Variants in SCAF8 observed in about 807,000 individuals in gnomAD.
The protein encoded by SCAF8 is SR-related and CTD-associated factor 8.
A neutral mutation model predicts 140.5 loss-of-function variants in SCAF8; 23 were observed. The observed-to-expected ratio is 0.16, with a 90% CI of 0.12 to 0.23. The LOEUF (loss-of-function observed/expected upper bound fraction) is 0.23, where lower values mean the gene tolerates loss of function less well. Among genes scored for constraint, SCAF8 ranks in the 10% least tolerant of loss-of-function variants. The probability of loss-of-function intolerance (pLI) is 1.00; values close to 1 mark genes in which losing one functional copy is unlikely to be tolerated. For missense variants in SCAF8, 1,397 were observed against 1,555.7 expected, an observed-to-expected ratio of 0.90 and a Z score of 1.72; for synonymous variants, 575 against 528.9, an observed-to-expected ratio of 1.09 and a Z score of -1.20.
intron 5 of SCAF8, 67 bp downstream of exon 5, chr6:154,793,043 A>G (rs1777470242): frequency 7.7e-7 from 1 of 1,294,484 alleles, no homozygotes. Context: ...GACTGTTCAT[A>G]TAAAAAATAA....
At chr6:154,769,868 C>T (rs1776687033) in intron 1 of SCAF8, among the ~76,000 whole-genome samples, 1 of 152,134 alleles carries the variant, frequency 6.6e-6, no homozygotes, top group South Asian at 2.1e-4. Context: ...ACTGAAAATA[C>T]AGGCTTTCTG....
chr6:154,831,139 A>G lies in SCAF8; in HGVS notation c.2358A>G (p.Ser786=), dbSNP rs1337452643. The change falls in exon 19 of 20, where the codon TCA becomes TCG. Residue 786 remains serine, a splice_region_variant and synonymous_variant. Transcript: ENST00000367178. ...HQISSGENTR[S]VIPNDISSNA... ...TTTCTTCTGGTGAAAACACCAGATC[A>G]GGTAAATAATAATAATAAAATTTAA... 1 of 1,537,500 alleles carries G rather than the reference A, an allele frequency of 6.5e-7. No homozygotes were observed. The highest frequency in any genetic ancestry group is 1.8e-5 in the Admixed American group (1 of 54,322).
chr6:154,747,793 C>G (rs2114802222), intron 1 of SCAF8, among the ~76,000 whole-genome samples: 1 of 151,768 alleles, frequency 6.6e-6, no homozygotes, highest in South Asian at 2.1e-4. Context: ...TTTGCATTGA[C>G]CACGTGCAGA....
chr6:154,757,348 A>G (rs1778992228), intron 1 of SCAF8, among the ~76,000 whole-genome samples: 1 of 152,210 alleles, frequency 6.6e-6, no homozygotes. Context: ...TAGATACATG[A>G]TTGCAAAACT....
At chr6:154,813,609 G>T (rs934072778) in intron 12 of SCAF8, among the ~76,000 whole-genome samples, 2 of 152,094 alleles carry the variant, frequency 1.3e-5, no homozygotes, top group African/African-American at 4.8e-5. Flanking sequence ...TTGGATAATG[G>T]CCCCCTAAAA....
intron 2 of SCAF8, 48 bp from the exon 3 acceptor site, chr6:154,777,953 C>T: frequency 8.5e-7 from 1 of 1,171,904 alleles, no homozygotes; most frequent in Non-Finnish European, 1.3e-6. Context: ...AAATTTCAAT[C>T]TCCTCAAACT....
At chr6:154,811,900 A>T (rs878891629) in intron 12 of SCAF8, among the ~76,000 whole-genome samples, 3 of 152,124 alleles carry the variant, frequency 2.0e-5, no homozygotes, top group Non-Finnish European at 4.4e-5. Flanking sequence ...AGTATTCCAT[A>T]GTGTATATGT....
chr6:154,763,967 G>A (rs1260003679), intron 1 of SCAF8, among the ~76,000 whole-genome samples: 1 of 152,178 alleles, frequency 6.6e-6, no homozygotes, highest in African/African-American at 2.4e-5. Context: ...TGAGGAAAAG[G>A]TTTGCTGATG....
chr6:154,809,523 C>G (rs1186448178), intron 11 of SCAF8, among the ~76,000 whole-genome samples: 1 of 152,140 alleles, frequency 6.6e-6, no homozygotes, highest in African/African-American at 2.4e-5. Flanking sequence ...TTAGCAGCAT[C>G]TTACTAAGCA....
chr6:154,794,945 CT>C, intron 5 of SCAF8, 63 bp from the exon 6 acceptor site: 1 of 1,417,926 alleles, frequency 7.1e-7, no homozygotes. Flanking sequence ...AGTTATTCTG[CT>C]TTTTCTAGTC....
intron 1 of SCAF8, among the ~76,000 whole-genome samples, chr6:154,755,224 A>G (rs1399502364): frequency 6.6e-6 from 1 of 152,180 alleles, no homozygotes; most frequent in South Asian, 2.1e-4. Flanking sequence ...TCTCTAGTTC[A>G]TATAGTAGAA....
chr6:154,763,175 T>G (rs1008249745), intron 1 of SCAF8, among the ~76,000 whole-genome samples: 6 of 152,230 alleles, frequency 3.9e-5, no homozygotes, highest in Admixed American at 3.3e-4. Context: ...ATTCTGCTTT[T>G]CATTGTGAAT....
intron 6 of SCAF8, among the ~76,000 whole-genome samples, chr6:154,798,033 T>G (rs1777658708): frequency 6.6e-6 from 1 of 151,496 alleles, no homozygotes; most frequent in Non-Finnish European, 1.5e-5. Context: ...TTGTTTTTCA[T>G]TCACTCAACC....
chr6:154,817,226 G>A (rs1285939733), intron 13 of SCAF8, among the ~76,000 whole-genome samples: 1 of 152,166 alleles, frequency 6.6e-6, no homozygotes, highest in Non-Finnish European at 1.5e-5. Context: ...TTAGCAAAGT[G>A]TCACAGCTGC....
rs756813176 is a variant in SCAF8, at chr6:154,805,417, A to G, written c.912A>G (p.Ala304=). The stretch of plus-strand genomic sequence containing the variant: ...ACAATTCCATTTTTCATCAGATAGC[A>G]GAACAACTACAACAGCAAAACCTAG... ...SVNNSIFHQI[A]EQLQQQNLEH... Residue 304 remains alanine, a synonymous_variant, in exon 9 of 20, where the codon GCA becomes GCG. Transcript: ENST00000367178. 3 of 1,612,412 alleles carry G rather than the reference A, an allele frequency of 1.9e-6. No homozygotes were observed. Among genetic ancestry groups the G allele is most frequent in the East Asian group, 4.5e-5 (2 of 44,804 alleles).
chr6:154,746,534 T>C (rs917174624), intron 1 of SCAF8, among the ~76,000 whole-genome samples: 3 of 152,220 alleles, frequency 2.0e-5, no homozygotes, highest in African/African-American at 7.2e-5. Context: ...TTTCCCTCTT[T>C]CCAAGTTTGT....
intron 2 of SCAF8, among the ~76,000 whole-genome samples, chr6:154,777,466 C>T (rs1776949786): frequency 6.6e-6 from 1 of 152,058 alleles, no homozygotes; most frequent in South Asian, 2.1e-4. Flanking sequence ...GGATATTATA[C>T]ATTTCTATGT....
intron 12 of SCAF8, among the ~76,000 whole-genome samples, chr6:154,814,330 C>T (rs553309429): frequency 2.0e-5 from 3 of 152,100 alleles, no homozygotes; most frequent in Non-Finnish European, 2.9e-5. Flanking sequence ...AACAAACAAA[C>T]GAAAAACAAA....
intron 1 of SCAF8, among the ~76,000 whole-genome samples, chr6:154,738,435 A>G (rs190772392): frequency 6.6e-6 from 1 of 152,314 alleles, no homozygotes; most frequent in Non-Finnish European, 1.5e-5. Flanking sequence ...TTTTCTTCTC[A>G]CGAGTTAAAT....
Sources: gnomAD v4.1 joint callset for allele counts (sites outside exome capture counted in the v4.1 genomes callset) on GRCh38, gnomAD v4.1.1 for gene constraint, MANE v1.5 for transcripts, NCBI Gene and HGNC (gene_info 2026-07-23, HGNC 2026-07-21) for gene names.